PRIM2: variants seen among roughly 807,000 people sequenced by gnomAD.
The protein encoded by PRIM2 is DNA primase subunit 2.
In PRIM2, 39 loss-of-function variants were observed where a neutral mutation model predicts 67.3. That is an observed-to-expected ratio of 0.58 (90% CI 0.45 to 0.76). PRIM2 has a LOEUF of 0.76. Ranked by LOEUF, PRIM2 falls within the 30% of genes least tolerant of loss-of-function variation. PRIM2 has a pLI of 0.00. For synonymous variants in PRIM2, 143 were observed against 198.7 expected (o/e 0.72, Z 2.36); for missense variants, 398 against 598.7 (o/e 0.66, Z 3.50).
intron 8 of PRIM2, among the ~76,000 whole-genome samples, chr6:57,527,903 A>T (rs1263210254): frequency 1.3e-5 from 2 of 152,158 alleles, no homozygotes; most frequent in African/African-American, 4.8e-5. Context: ...CATGGGTTCC[A>T]TACTTGCCCA....
intron 7 of PRIM2, among the ~76,000 whole-genome samples, chr6:57,405,033 G>T: frequency 6.9e-6 from 1 of 145,458 alleles, no homozygotes. Context: ...TCACTGAGCT[G>T]TGTTGCTTTC....
rs1304391191 is a variant in PRIM2, at chr6:57,532,482, TG to T, written c.834+1del. On this transcript the variant is annotated frameshift_variant and splice_region_variant, in exon 9 of 14. Transcript: ENST00000615550. LOFTEE classifies it high-confidence loss of function. ...VGKISLDQID[L>X]LSTKSFPPCM... ...AAGATTTCTTTAGATCAGATTGATT[TG>T]GTAAGTAGAACATTATTTTAAACTT... The T allele has an allele frequency of 4.2e-6, 6 of 1,413,086 alleles. No homozygotes were observed. In the African/African-American group the frequency reaches 8.6e-5, roughly 20 times the overall value. 87.5% of individuals were successfully genotyped at this position (1,413,086 alleles called of 1,614,324 possible).
At chr6:57,622,651 C>T (rs2127497296) in intron 12 of PRIM2, among the ~76,000 whole-genome samples, 1 of 152,134 alleles carries the variant, frequency 6.6e-6, no homozygotes, top group South Asian at 2.1e-4. Flanking sequence ...AGAATTTTCA[C>T]TCAACTATTA....
chr6:57,350,441 A>C (rs1245201636), intron 5 of PRIM2, among the ~76,000 whole-genome samples: 2 of 152,224 alleles, frequency 1.3e-5, no homozygotes, highest in Non-Finnish European at 2.9e-5. Context: ...CATATCATAA[A>C]TCACTGAGAG....
rs1338303065 is a variant in PRIM2, at chr6:57,638,528, A to T, written c.1299+6327A>T. Among the ~76,000 whole-genome samples the T allele has an allele frequency of 9.9e-5, 14 of 141,052 alleles. No individual in the cohort carries two copies. The East Asian group carries it at 3.0e-3, about 31-fold the overall frequency. 92.5% of individuals were successfully genotyped at this position (141,052 alleles called of 152,430 possible). A position where few individuals can be genotyped will look rare whatever the true frequency, so the allele number is the denominator to read the frequency against. On this transcript the variant is annotated intron_variant, in intron 13 of 13. Coordinates refer to ENST00000615550, the MANE Select transcript of PRIM2 (RefSeq NM_000947.5). ...CCATTTCACAGGCAAAGACACACAT[A>T]GGCTCAAAATAAAGGGATGGAGGAA... is the stretch of plus-strand genomic sequence containing the variant.
chr6:57,566,998 A>G (rs1319173000), intron 10 of PRIM2, among the ~76,000 whole-genome samples: 4 of 152,160 alleles, frequency 2.6e-5, no homozygotes, highest in Non-Finnish European at 4.4e-5. Context: ...AGGACTAAAT[A>G]AAACTAATAC....
chr6:57,628,446 T>C (rs1776990100), intron 12 of PRIM2, among the ~76,000 whole-genome samples: 1 of 152,230 alleles, frequency 6.6e-6, no homozygotes, highest in Non-Finnish European at 1.5e-5. Context: ...CCTAACAACA[T>C]CTTCATTACT....
At chr6:57,493,408 T>C (rs1773940723) in intron 7 of PRIM2, among the ~76,000 whole-genome samples, 2 of 152,240 alleles carry the variant, frequency 1.3e-5, no homozygotes, top group Non-Finnish European at 2.9e-5. Context: ...CATGTGTTTT[T>C]TGGTAGTTGA....
chr6:57,375,544 T>G (rs1769733847), intron 5 of PRIM2, among the ~76,000 whole-genome samples: 1 of 152,140 alleles, frequency 6.6e-6, no homozygotes, highest in East Asian at 1.9e-4. Flanking sequence ...TTTTGTTGTA[T>G]CTCCGCCAGA....
the PRIM2 span, among the ~76,000 whole-genome samples, chr6:57,227,609 A>G: frequency 6.7e-6 from 1 of 149,190 alleles, no homozygotes; most frequent in South Asian, 2.1e-4. Flanking sequence ...ATGCCACTGA[A>G]CTCCAGCCTC....
the PRIM2 span, among the ~76,000 whole-genome samples, chr6:57,305,310 G>A: frequency 6.6e-6 from 1 of 152,308 alleles, no homozygotes; most frequent in African/African-American, 2.4e-5. Flanking sequence ...AAGTGTATGC[G>A]AGCCTATCTG....
At chr6:57,531,815 G>C (rs1346916114) in intron 8 of PRIM2, among the ~76,000 whole-genome samples, 1 of 152,150 alleles carries the variant, frequency 6.6e-6, no homozygotes. Context: ...TCAGGGGGTT[G>C]CAAGGATCTA....
chr6:57,483,053 G>C (rs1480321811), intron 7 of PRIM2, among the ~76,000 whole-genome samples: 4 of 152,026 alleles, frequency 2.6e-5, no homozygotes, highest in African/African-American at 4.8e-5. Flanking sequence ...GGGATTACAG[G>C]TGTGACACCA....
chr6:57,575,804 G>A (rs1191249423), intron 10 of PRIM2, among the ~76,000 whole-genome samples: 4 of 151,994 alleles, frequency 2.6e-5, no homozygotes, highest in African/African-American at 4.8e-5. Flanking sequence ...TTGAGATGGA[G>A]TTTTGCTTTT....
At position 57,330,348 on chromosome 6, in the gene PRIM2, G is replaced by GTTTTTTTTTTTTTTTTTTTTTTTTTT. The variant is rs1238317111; in HGVS notation, c.459+4315_459+4316insTTTTTTTTTTTTTTTTTTTTTTTTTT. Reference sequence around the variant, plus strand: ...TGTATCCTGCAACCTTGCTGAACTTGTTTTTTTTTTTTGTTTTTGTTTTTT... The same window carrying GTTTTTTTTTTTTTTTTTTTTTTTTTT: ...TGTATCCTGCAACCTTGCTGAACTTGTTTTTTTTTTTTTTTTTTTTTTTTTTTTTTTTTTTTTTGTTTTTGTTTTTT... On this transcript the variant is annotated intron_variant, in intron 5 of 13. Coordinates refer to ENST00000615550, the MANE Select transcript of PRIM2 (RefSeq NM_000947.5). Among the ~76,000 whole-genome samples, 9 of 87,828 alleles carry GTTTTTTTTTTTTTTTTTTTTTTTTTT rather than the reference G, an allele frequency of 1.0e-4. 1 individual carries two copies. The highest frequency in any genetic ancestry group is 2.0e-4 in the African/African-American group (4 of 20,124). 57.6% of individuals were successfully genotyped at this position (87,828 alleles called of 152,430 possible).
At chr6:57,640,150 A>G (rs1777204396) in intron 13 of PRIM2, among the ~76,000 whole-genome samples, 1 of 152,226 alleles carries the variant, frequency 6.6e-6, no homozygotes, top group South Asian at 2.1e-4. Context: ...GATTATCTCA[A>G]TAGATGCAGA....
chr6:57,618,863 A>G (rs1776800577), intron 12 of PRIM2, among the ~76,000 whole-genome samples: 1 of 151,286 alleles, frequency 6.6e-6, no homozygotes, highest in African/African-American at 2.4e-5. Context: ...AAGACAAAGG[A>G]CATATAATCT....
At chr6:57,578,042 A>G (rs1350033040) in intron 10 of PRIM2, among the ~76,000 whole-genome samples, 1 of 151,974 alleles carries the variant, frequency 6.6e-6, no homozygotes, top group Non-Finnish European at 1.5e-5. Context: ...TTGTCTTTTC[A>G]TGACCTTGAT....
the PRIM2 span, among the ~76,000 whole-genome samples, chr6:57,299,056 C>G: frequency 1.3e-5 from 2 of 150,232 alleles, no homozygotes; most frequent in Non-Finnish European, 2.9e-5. Flanking sequence ...CTGAATTTCT[C>G]TCTCTCTTTC....
Sources: allele counts gnomAD v4.1 joint callset (sites outside exome capture counted in the v4.1 genomes callset), GRCh38; gene constraint gnomAD v4.1.1; transcripts MANE v1.5; gene names NCBI Gene and HGNC (gene_info 2026-07-23, HGNC 2026-07-21).